ZNF823: variants seen among roughly 807,000 people sequenced by gnomAD.
ZNF823 encodes zinc finger protein 823.
Under a neutral mutation model 11.4 loss-of-function variants are expected in ZNF823, and 5 were observed. The observed-to-expected ratio is 0.44, with a 90% CI of 0.23 to 0.92. The LOEUF (loss-of-function observed/expected upper bound fraction) is 0.92. Ranked by LOEUF, ZNF823 falls within the 40% of genes least tolerant of loss-of-function variation. The pLI is 0.24. For synonymous variants in ZNF823, 234 were observed against 250.5 expected, an observed-to-expected ratio of 0.93 and a Z score of 0.62; for missense variants, 582 against 738.5, an observed-to-expected ratio of 0.79 and a Z score of 2.46.
At chr19:11,727,107 C>A (rs1482325099) in intron 1 of ZNF823, among the ~76,000 whole-genome samples, 1 of 152,206 alleles carries the variant, frequency 6.6e-6, no homozygotes. Flanking sequence ...AACTCAGTGT[C>A]ACCTCTCATG....
chr19:11,735,023 C>T (rs1478912050), intron 1 of ZNF823, among the ~76,000 whole-genome samples: 1 of 151,854 alleles, frequency 6.6e-6, no homozygotes, highest in Non-Finnish European at 1.5e-5. Flanking sequence ...TCCTGTAATC[C>T]CACCACTTTG....
chr19:11,738,778 C>A, intron 1 of ZNF823, 39 bp downstream of exon 1: 1 of 1,604,172 alleles, frequency 6.2e-7, no homozygotes, highest in Non-Finnish European at 8.5e-7. Flanking sequence ...TCCAACCTGC[C>A]CCTTCTTTGC....
chr19:11,734,483 T>C (rs1418647689), intron 1 of ZNF823, among the ~76,000 whole-genome samples: 4 of 152,174 alleles, frequency 2.6e-5, no homozygotes, highest in Admixed American at 6.5e-5. Flanking sequence ...TAGAGCAAAC[T>C]TTCCTTAAGT....
At chr19:11,737,607 C>T (rs969940797) in intron 1 of ZNF823, among the ~76,000 whole-genome samples, 24 of 100,076 alleles carry the variant, frequency 2.4e-4, no homozygotes, top group African/African-American at 8.4e-4. Context: ...AGTGGTTATT[C>T]TTTGCTTCCT....
chr19:11,725,429 T>C, intron 1 of ZNF823, 102 bp from the exon 2 acceptor site: 2 of 1,520,592 alleles, frequency 1.3e-6, no homozygotes, highest in Non-Finnish European at 1.8e-6. Flanking sequence ...TTTCCAAGCA[T>C]TTATTCGATG....
chr19:11,732,091 A>G (rs1234627927), intron 1 of ZNF823, among the ~76,000 whole-genome samples: 1 of 151,808 alleles, frequency 6.6e-6, no homozygotes, highest in Non-Finnish European at 1.5e-5. Flanking sequence ...CTAGTTTGTT[A>G]TAAAGGATTT....
intron 1 of ZNF823, among the ~76,000 whole-genome samples, chr19:11,738,237 G>C (rs1026005834): frequency 2.0e-5 from 3 of 152,168 alleles, no homozygotes; most frequent in African/African-American, 7.2e-5. Context: ...CTCGGATCCT[G>C]AATTGCAGCG....
At chr19:11,731,403 A>G (rs917580689) in intron 1 of ZNF823, among the ~76,000 whole-genome samples, 19 of 152,202 alleles carry the variant, frequency 1.2e-4, no homozygotes, top group African/African-American at 4.6e-4. Flanking sequence ...AGAGAAAACT[A>G]TGCATCTGGA....
Position 11,721,865 on chromosome 19 carries a change from A to G in ZNF823, c.1669T>C (p.Cys557Arg). 1.9e-6 allele frequency: 3 copies of G among 1,613,768 alleles called. No homozygotes were observed. The highest frequency in any genetic ancestry group is 2.5e-6 in the Non-Finnish European group (3 of 1,179,954). The change falls in exon 4 of 4, where the codon TGT becomes CGT. Residue 557 changes from cysteine (C) to arginine (R), a missense_variant. Cys to Arg is a radical substitution (Grantham distance 180). This residue lies in a region of ZNF823 where 144 missense variants were observed against 154.3 expected (regional missense o/e 0.93). Transcript: ENST00000341191. The stretch of plus-strand genomic sequence containing the variant: ...GTGAAGGCTTTACCACATTGTAGAC[A>G]TTCATAGGGTTTCTCTCCAGTGTGA... Reference protein sequence around the residue: ...RIHTGEKPYECLQCGKAFTRS... With the variant: ...RIHTGEKPYERLQCGKAFTRS...
At position 11,727,778 on chromosome 19, in the gene ZNF823, T is replaced by C. The variant is rs181518317; in HGVS notation, c.4-2451A>G. 4.1e-3 allele frequency among the ~76,000 whole-genome samples: 630 copies of C among 152,344 alleles called. 2 individuals carry two copies. Among genetic ancestry groups the C allele is most frequent in the Non-Finnish European group, 6.6e-3 (448 of 68,028 alleles). On this transcript the variant is annotated intron_variant, in intron 1 of 3. Coordinates refer to ENST00000341191, the MANE Select transcript of ZNF823 (RefSeq NM_001080493.4). Reference sequence around the variant, plus strand: ...TGAAGACAGCAGACCAAGTTTTCAATGTGGATCCCTAGAGACAGCAGATCA... The same window carrying C: ...TGAAGACAGCAGACCAAGTTTTCAACGTGGATCCCTAGAGACAGCAGATCA...
intron 1 of ZNF823, among the ~76,000 whole-genome samples, chr19:11,731,562 T>G (rs1468596805): frequency 6.6e-6 from 1 of 152,150 alleles, no homozygotes; most frequent in East Asian, 1.9e-4. Flanking sequence ...AGTTCAATTC[T>G]TATACCACCC....
At chr19:11,727,569 T>C (rs1406717779) in intron 1 of ZNF823, among the ~76,000 whole-genome samples, 4 of 152,000 alleles carry the variant, frequency 2.6e-5, no homozygotes, top group Non-Finnish European at 5.9e-5. Flanking sequence ...AAAAAAACCT[T>C]CTAACCAAGA....
rs1253663632 is a variant in ZNF823 at position 11,722,079 on chromosome 19, G to T, written c.1455C>A (p.Tyr485Ter). The change falls in exon 4 of 4, where the codon TAC (tyrosine) becomes TAA (stop). Residue 485 changes from tyrosine (Y) to a stop codon, truncating the protein, a stop_gained. Coordinates refer to ENST00000341191, the MANE Select transcript of ZNF823 (RefSeq NM_001080493.4). LOFTEE classifies it low-confidence loss of function (END_TRUNC). The surrounding 1 kb of genome is among the most constrained non-coding windows in gnomAD (Gnocchi z 5.2). ...ECGKAFSCFKYLSQHKRTHTV... is the reference protein window; with the variant it reads ...ECGKAFSCFK The stretch of plus-strand genomic sequence containing the variant: ...TGTGGGTCCTTTTATGTTGAGAAAG[G>T]TATTTGAAACAACTGAATGCTTTCC... 2 of 1,612,428 alleles carry T rather than the reference G, an allele frequency of 1.2e-6. No homozygotes were observed. The highest frequency in any genetic ancestry group is 1.7e-6 in the Non-Finnish European group (2 of 1,179,606).
chr19:11,721,840 G>A lies in ZNF823; in HGVS notation c.1694C>T (p.Thr565Ile), dbSNP rs1453332719. 5 of 1,612,826 alleles carry A rather than the reference G, an allele frequency of 3.1e-6. No individual in the cohort carries two copies. Among genetic ancestry groups the A allele is most frequent in the Non-Finnish European group, 4.2e-6 (5 of 1,179,650 alleles). The change falls in exon 4 of 4, where the codon ACT becomes ATT. Residue 565 changes from threonine (T) to isoleucine (I), a missense_variant. Thr to Ile is a moderately conservative substitution (Grantham distance 89). Transcript: ENST00000341191. ...ATGTCCTCGAAGGAAACGGGAACGA[G>A]TGAAGGCTTTACCACATTGTAGACA... is the stretch of plus-strand genomic sequence containing the variant. ...YECLQCGKAF[T>I]RSRFLRGHEK...
intron 1 of ZNF823, among the ~76,000 whole-genome samples, chr19:11,737,145 A>G (rs1279552972): frequency 1.3e-5 from 2 of 152,234 alleles, no homozygotes; most frequent in Admixed American, 1.3e-4. Context: ...CCAGGACACC[A>G]TAGAGGGTGG....
chr19:11,724,322 C>G (rs777707856), intron 2 of ZNF823, 68 bp from the exon 3 acceptor site: 2 of 1,397,358 alleles, frequency 1.4e-6, no homozygotes, highest in African/African-American at 2.9e-5. Flanking sequence ...TAAGATTTTA[C>G]GCGTACTGCA....
At chr19:11,734,562 G>A (rs1029612737) in intron 1 of ZNF823, among the ~76,000 whole-genome samples, 1 of 152,120 alleles carries the variant, frequency 6.6e-6, no homozygotes, top group Non-Finnish European at 1.5e-5. Context: ...TTTTGAGATG[G>A]AGTCTTGCTC....
rs766360043 is a variant in ZNF823, at chr19:11,737,560, CTTTTTTT to C, written c.3+1250_3+1256del. Among the ~76,000 whole-genome samples, 9 of 110,492 alleles carry C rather than the reference CTTTTTTT, an allele frequency of 8.1e-5. No individual in the cohort carries two copies. The East Asian group carries it at 8.3e-4, about 10-fold the overall frequency. 72.5% of individuals were successfully genotyped at this position (110,492 alleles called of 152,430 possible). ...TACAGGCGTGAGCCACCGCGCCCGG[CTTTTTTT>C]TTTTTTTTTTTTTTTTCACACTGGA... On this transcript the variant is annotated intron_variant, in intron 1 of 3. Coordinates refer to ENST00000341191, the MANE Select transcript of ZNF823 (RefSeq NM_001080493.4).
rs1975048095 is a variant in ZNF823, at chr19:11,738,933, C to T, written c.-114G>A. The T allele has an allele frequency of 7.2e-7, 1 of 1,392,308 alleles. No individual in the cohort carries two copies. The highest frequency in any genetic ancestry group is 1.5e-5 in the African/African-American group (1 of 67,674). The allele number at this position is 1,392,308 out of a possible 1,614,324, so 86.2% of individuals were successfully genotyped here. On this transcript the variant is annotated 5_prime_UTR_variant, in exon 1 of 4. Coordinates refer to ENST00000341191, the MANE Select transcript of ZNF823 (RefSeq NM_001080493.4). ...CTCTCTCTCAGCGCCAGAGCCAGGA[C>T]TCAGAGCGCAGGGGCGTGGAGAAGA...
Sources: gnomAD v4.1 joint callset for allele counts (sites outside exome capture counted in the v4.1 genomes callset) on GRCh38, gnomAD v4.1.1 for gene constraint, gnomAD v4.1.1 regional missense constraint, Gnocchi (gnomAD v3.1) non-coding constraint, MANE v1.5 for transcripts, NCBI Gene and HGNC (gene_info 2026-07-23, HGNC 2026-07-21) for gene names.